The following FRMPD4 variants were observed in gnomAD, a reference collection of about 807,000 sequenced individuals.
FRMPD4 encodes the protein FERM and PDZ domain containing 4, also known as FERM and PDZ domain-containing protein 4.
In FRMPD4, 22 loss-of-function variants were observed where a neutral mutation model predicts 94.1. The ratio of observed to expected loss-of-function variants is 0.23; its 90% CI spans 0.17 to 0.33. The LOEUF is 0.33. FRMPD4 is among the 10% of genes least tolerant of loss of function. The pLI is 1.00. For synonymous variants in FRMPD4, 631 were observed against 548.6 expected (o/e 1.15, Z -2.10); for missense variants, 1,111 against 1,339.9 (o/e 0.83, Z 2.67).
chrX:12,312,239 C>CTTTTTTTTTT lies in FRMPD4; in HGVS notation c.41+173248_41+173257dup, dbSNP rs200625685. 2.3e-4 allele frequency among the ~76,000 whole-genome samples: 14 copies of CTTTTTTTTTT among 61,544 alleles called. 4 individuals are homozygous for CTTTTTTTTTT. The highest frequency in any genetic ancestry group is 4.2e-4 in the African/African-American group (6 of 14,239). The allele number at this position is 61,544 out of a possible 115,157, so 53.4% of individuals were successfully genotyped here. On this transcript the variant is annotated intron_variant, in intron 1 of 16. Transcript: ENST00000675598. ...CTTCCTTTTCAACTCTGCTCCATTA[C>CTTTTTTTTTT]TTTTTTTTTTTTTTTTTTTTTTTTT...
intron 3 of FRMPD4, among the ~76,000 whole-genome samples, chrX:11,914,056 C>G (rs1428212978): frequency 8.9e-6 from 1 of 112,068 alleles, no homozygotes; most frequent in East Asian, 2.8e-4. Context: ...AATTCCGGGA[C>G]TTGAAGAACA....
chrX:12,229,924 T>C (rs1186550396), intron 1 of FRMPD4, among the ~76,000 whole-genome samples: 1 of 112,434 alleles, frequency 8.9e-6, no homozygotes, highest in Non-Finnish European at 1.9e-5. Context: ...GCAGTATGTA[T>C]TGACCTCCTT....
chrX:12,276,928 C>T (rs1389481080), intron 1 of FRMPD4, among the ~76,000 whole-genome samples: 4 of 109,108 alleles, frequency 3.7e-5, no homozygotes, highest in Non-Finnish European at 5.7e-5. Flanking sequence ...GAGACCATCC[C>T]GGCTAAAATG....
chrX:11,983,847 T>G (rs2054410932), intron 3 of FRMPD4, among the ~76,000 whole-genome samples: 1 of 112,105 alleles, frequency 8.9e-6, no homozygotes, highest in African/African-American at 3.2e-5. Context: ...AGACATGTGC[T>G]CACTTCAGCA....
At chrX:11,834,827 A>C (rs761189662) in intron 1 of FRMPD4, among the ~76,000 whole-genome samples, 4 of 112,177 alleles carry the variant, frequency 3.6e-5, no homozygotes, top group Non-Finnish European at 7.5e-5. Context: ...TAACACATGC[A>C]TAGGCTGAAT....
chrX:12,576,844 T>C (rs1487909283), intron 2 of FRMPD4, among the ~76,000 whole-genome samples: 1 of 112,052 alleles, frequency 8.9e-6, no homozygotes. Flanking sequence ...TTAGCCATTT[T>C]CTCTCTGCCG....
chrX:11,952,700 G>A (rs5978478), intron 3 of FRMPD4, among the ~76,000 whole-genome samples: 5,459 of 111,793 alleles, frequency 0.049, 152 homozygotes, highest in East Asian at 0.18. Flanking sequence ...ACATTCGATA[G>A]CATCTTACCC....
At chrX:12,421,712 T>C (rs1264087604) in intron 1 of FRMPD4, among the ~76,000 whole-genome samples, 1 of 103,259 alleles carries the variant, frequency 9.7e-6, no homozygotes, top group African/African-American at 3.6e-5. Context: ...CAGTGAGCTA[T>C]GACTGGGCCA....
At chrX:12,651,823 A>G (rs894447006) in intron 4 of FRMPD4, among the ~76,000 whole-genome samples, 4 of 112,608 alleles carry the variant, frequency 3.6e-5, no homozygotes, top group African/African-American at 1.3e-4. Flanking sequence ...AGGCAAATTG[A>G]TTTGAATTGC....
upstream of FRMPD4, among the ~76,000 whole-genome samples, chrX:12,136,192 G>A (rs1165016847): frequency 8.1e-5 from 9 of 110,795 alleles, no homozygotes; most frequent in East Asian, 1.1e-3. Flanking sequence ...TGATTTGTTC[G>A]TTCAACAAAT....
chrX:12,722,747 C>T lies in FRMPD4; in HGVS notation c.*889C>T, dbSNP rs904357294. On this transcript the variant is annotated 3_prime_UTR_variant, in exon 17 of 17. Transcript: ENST00000675598. ...TCTTCCCCTCATCCCAACTCAACTA[C>T]GAAACTTAAAATTCCCTTTAGAGTG... 4 of 112,103 alleles carry T rather than the reference C, an allele frequency of 3.6e-5. No individual in the cohort carries two copies. Among genetic ancestry groups the T allele is most frequent in the African/African-American group, 6.5e-5 (2 of 30,818 alleles). 9.2% of individuals were successfully genotyped at this position (112,103 alleles called of 1,213,427 possible).
intron 1 of FRMPD4, among the ~76,000 whole-genome samples, chrX:11,840,423 C>A (rs780963882): frequency 9.0e-6 from 1 of 110,520 alleles, no homozygotes; most frequent in Admixed American, 9.7e-5. Flanking sequence ...TGTAAACTTG[C>A]TAGGCTGGTA....
chrX:12,716,074 G>A lies in FRMPD4; in HGVS notation c.1615G>A (p.Glu539Lys), dbSNP rs200947928. The change falls in exon 15 of 17, where the codon GAA (glutamate) becomes AAA (lysine). Residue 539 changes from glutamate to lysine, a missense_variant. Glu to Lys is a moderately conservative substitution (Grantham distance 56, BLOSUM62 1). This residue lies in a region of FRMPD4 where 192 missense variants were observed against 192.5 expected (regional missense o/e 1.00). Transcript: ENST00000675598. The stretch of plus-strand genomic sequence containing the variant: ...GCGTGATTCTTTCTCTTTAGGACCT[G>A]AAAACAAGGGGAAGCATAACCTCCT... ...KNTATQETGPENKGKHNLLGP... is the reference protein window; with the variant it reads ...KNTATQETGPKNKGKHNLLGP... The A allele has an allele frequency of 2.6e-5, 28 of 1,067,667 alleles. No individual in the cohort carries two copies. The highest frequency in any genetic ancestry group is 3.0e-5 in the Non-Finnish European group (24 of 807,006). 88.0% of individuals were successfully genotyped at this position (1,067,667 alleles called of 1,213,427 possible). A position where few individuals can be genotyped will look rare whatever the true frequency, so the allele number is the denominator to read the frequency against.
At chrX:11,951,059 CA>C (rs35673540) in intron 3 of FRMPD4, among the ~76,000 whole-genome samples, 1,885 of 32,271 alleles carry the variant, frequency 0.058, 35 homozygotes, top group African/African-American at 0.21. Flanking sequence ...AACTCCATCT[CA>C]AAAAAAAAAA....
At chrX:12,509,974 C>T (rs1373859969) in intron 2 of FRMPD4, among the ~76,000 whole-genome samples, 1 of 111,221 alleles carries the variant, frequency 9.0e-6, no homozygotes, top group African/African-American at 3.3e-5. Context: ...GGGTAAAATC[C>T]CAGCTCTTTC....
intron 1 of FRMPD4, among the ~76,000 whole-genome samples, chrX:12,289,423 TAAA>T (rs1343709676): frequency 8.9e-6 from 1 of 112,244 alleles, no homozygotes; most frequent in African/African-American, 3.2e-5. Context: ...AAGTGAGATT[TAAA>T]AATCCAGTTG....
intron 1 of FRMPD4, among the ~76,000 whole-genome samples, chrX:12,484,785 T>C (rs1453375585): frequency 8.9e-6 from 1 of 112,156 alleles, no homozygotes; most frequent in African/African-American, 3.2e-5. Context: ...GTATAACTTA[T>C]AACACAGTAA....
chrX:12,617,511 A>G (rs2148428735), intron 4 of FRMPD4, among the ~76,000 whole-genome samples: 1 of 112,273 alleles, frequency 8.9e-6, no homozygotes, highest in South Asian at 3.7e-4. Flanking sequence ...GTGCCTTCCC[A>G]TAAGTTTAGT....
intron 2 of FRMPD4, among the ~76,000 whole-genome samples, chrX:12,562,996 G>C (rs951888183): frequency 1.8e-5 from 2 of 110,857 alleles, no homozygotes; most frequent in African/African-American, 6.6e-5. Flanking sequence ...CAGTATGTTT[G>C]ATGTTTCTCA....
Sources: allele counts gnomAD v4.1 joint callset (sites outside exome capture counted in the v4.1 genomes callset), GRCh38; gene constraint gnomAD v4.1.1; regional missense constraint gnomAD v4.1.1; transcripts MANE v1.5; gene names NCBI Gene and HGNC (gene_info 2026-07-23, HGNC 2026-07-21).